The following LNX1 variants were observed in gnomAD, a reference collection of about 807,000 sequenced individuals.
LNX1 encodes the protein E3 ubiquitin-protein ligase LNX.
A neutral mutation model predicts 68.4 loss-of-function variants in LNX1; 54 were observed. The observed-to-expected ratio is 0.79, with a 90% confidence interval of 0.63 to 0.99. LNX1 has a LOEUF of 0.99. Among genes scored for constraint, LNX1 ranks in the 50% least tolerant of loss-of-function variants. The probability of loss-of-function intolerance (pLI) is 0.00; values close to 1 mark genes in which losing one functional copy is unlikely to be tolerated. For missense variants in LNX1, 906 were observed against 926.4 expected (o/e 0.98, Z 0.29); for synonymous variants, 336 against 350.0 (o/e 0.96, Z 0.45).
At chr4:53,463,552 A>T (rs751625447) in intron 9 of LNX1, among the ~76,000 whole-genome samples, 1 of 152,020 alleles carries the variant, frequency 6.6e-6, no homozygotes, top group Non-Finnish European at 1.5e-5. Context: ...TTGATCAGTG[A>T]CCTCAGATAC....
chr4:53,501,309 G>GGA (rs1553932775), intron 4 of LNX1, among the ~76,000 whole-genome samples: 1 of 115,892 alleles, frequency 8.6e-6, no homozygotes, highest in East Asian at 3.0e-4. Flanking sequence ...TGGGGGTGGG[G>GGA]GGACAGGATC....
At chr4:53,554,311 C>A (rs1233606421) in intron 2 of LNX1, among the ~76,000 whole-genome samples, 1 of 152,218 alleles carries the variant, frequency 6.6e-6, no homozygotes, top group Non-Finnish European at 1.5e-5. Context: ...CCTTTTGAAC[C>A]TGGTGTCTTT....
intron 9 of LNX1, 75 bp downstream of exon 9, chr4:53,476,678 G>T: frequency 8.0e-7 from 1 of 1,242,644 alleles, no homozygotes; most frequent in Non-Finnish European, 1.2e-6. Context: ...ATCAGCCCTA[G>T]AGAGTGAAAG....
intron 2 of LNX1, among the ~76,000 whole-genome samples, chr4:53,560,144 G>T (rs1730182059): frequency 6.6e-6 from 1 of 152,052 alleles, no homozygotes. Flanking sequence ...TGCTCTTCTT[G>T]GATGTCCACG....
chr4:53,564,420 C>G (rs1016824751), intron 2 of LNX1, among the ~76,000 whole-genome samples: 2 of 152,188 alleles, frequency 1.3e-5, no homozygotes, highest in African/African-American at 4.8e-5. Context: ...AGACCCCAAA[C>G]AGTCCTGGAT....
Position 53,507,369 on chromosome 4 carries a change from G to T in LNX1, c.723C>A (p.Ala241=), listed in dbSNP as rs1725971086. 1 of 1,613,970 alleles carries T rather than the reference G, an allele frequency of 6.2e-7. No homozygotes were observed. Among genetic ancestry groups the T allele is most frequent in the African/African-American group, 1.3e-5 (1 of 74,896 alleles). Residue 241 remains alanine, a synonymous_variant, in exon 4 of 11, where the codon GCC becomes GCA. Transcript: ENST00000263925. ...LRRTKSGSAV[A]NHADQGRENS... is the part of the protein sequence containing the mutation. The stretch of plus-strand genomic sequence containing the variant: ...TTTCCCTGCCCTGGTCGGCATGGTT[G>T]GCAACTGCACTCCCGCTCTTTGTCC...
chr4:53,496,602 G>A, intron 5 of LNX1: 1 of 530,338 alleles, frequency 1.9e-6, no homozygotes. Flanking sequence ...AGGCCTCTGT[G>A]AGTAGACACC....
At chr4:53,625,645 A>G (rs933466842) in intron 1 of LNX1, among the ~76,000 whole-genome samples, 1 of 152,190 alleles carries the variant, frequency 6.6e-6, no homozygotes, top group African/African-American at 2.4e-5. Flanking sequence ...AAATAAAAAA[A>G]TAAAAAATAA....
At chr4:53,541,379 T>G (rs1728755372) in intron 2 of LNX1, among the ~76,000 whole-genome samples, 1 of 152,192 alleles carries the variant, frequency 6.6e-6, no homozygotes, top group Admixed American at 6.5e-5. Context: ...GTGTGAACAA[T>G]TAGTGCCAAA....
intron 1 of LNX1, among the ~76,000 whole-genome samples, chr4:53,625,844 CGTGTGTGT>C (rs59366709): frequency 6.2e-5 from 9 of 144,256 alleles, no homozygotes; most frequent in South Asian, 4.6e-4. Context: ...AATTCCACCC[CGTGTGTGT>C]GTGTGTGTGT....
chr4:53,504,387 C>T (rs1725725204), intron 4 of LNX1, among the ~76,000 whole-genome samples: 1 of 152,260 alleles, frequency 6.6e-6, no homozygotes, highest in African/African-American at 2.4e-5. Context: ...CTTCACCTCT[C>T]TCAGCCTTCA....
chr4:53,509,175 G>A (rs1349149313), intron 2 of LNX1, among the ~76,000 whole-genome samples: 1 of 152,188 alleles, frequency 6.6e-6, no homozygotes, highest in Non-Finnish European at 1.5e-5. Context: ...TCTACTGTGG[G>A]GAGGGTAGCT....
chr4:53,618,327 A>C (rs1261247293), upstream of LNX1, among the ~76,000 whole-genome samples: 1 of 152,212 alleles, frequency 6.6e-6, no homozygotes, highest in East Asian at 1.9e-4. Context: ...ATGCCTTAAA[A>C]ATTCCTTTTT....
At chr4:53,500,268 T>TC (rs1256558968) in intron 4 of LNX1, 3 of 152,034 alleles carry the variant, frequency 2.0e-5, no homozygotes, top group African/African-American at 7.2e-5. Flanking sequence ...GTTTTTTTTT[T>TC]CACTTCAGTT....
intron 2 of LNX1, among the ~76,000 whole-genome samples, chr4:53,547,129 T>C (rs1729169336): frequency 6.6e-6 from 1 of 152,202 alleles, no homozygotes; most frequent in Admixed American, 6.5e-5. Flanking sequence ...ACTATGTCTA[T>C]TGTGAGGCGC....
chr4:53,599,755 C>T (rs1459513477), intron 2 of LNX1, among the ~76,000 whole-genome samples: 1 of 152,208 alleles, frequency 6.6e-6, no homozygotes, highest in African/African-American at 2.4e-5. Flanking sequence ...GGAACCAAGA[C>T]TGAAGCACAC....
At chr4:53,534,307 A>C (rs1386056764) in intron 2 of LNX1, among the ~76,000 whole-genome samples, 1 of 152,128 alleles carries the variant, frequency 6.6e-6, no homozygotes, top group Admixed American at 6.5e-5. Flanking sequence ...GTAGGGGCCC[A>C]TCTTCAACCC....
chr4:53,549,563 GT>G (rs1240668685), intron 2 of LNX1: 1 of 151,556 alleles, frequency 6.6e-6, no homozygotes, highest in Non-Finnish European at 1.5e-5. Context: ...AAGAATTATG[GT>G]TGTTTTTGGT....
intron 2 of LNX1, among the ~76,000 whole-genome samples, chr4:53,548,759 G>A (rs1470293379): frequency 6.6e-6 from 1 of 152,166 alleles, no homozygotes; most frequent in African/African-American, 2.4e-5. Flanking sequence ...CAATAGCAAA[G>A]ATATGGAATC....
Sources: allele counts gnomAD v4.1 joint callset (sites outside exome capture counted in the v4.1 genomes callset), GRCh38; gene constraint gnomAD v4.1.1; transcripts MANE v1.5; gene names NCBI Gene and HGNC (gene_info 2026-07-23, HGNC 2026-07-21).